Variants in NIPSNAP1 observed in about 807,000 individuals in gnomAD.
NIPSNAP1 encodes nipsnap homolog 1.
In NIPSNAP1, 25 loss-of-function variants were observed where a neutral mutation model predicts 49.2. That is an observed-to-expected ratio of 0.51 (90% CI 0.37 to 0.71). The LOEUF is 0.71. NIPSNAP1 is among the 30% of genes least tolerant of loss of function. The probability of loss-of-function intolerance (pLI) is 0.00; values close to 1 mark genes in which losing one functional copy is unlikely to be tolerated. For synonymous variants in NIPSNAP1, 143 were observed against 140.7 expected, an observed-to-expected ratio of 1.02 and a Z score of -0.12; for missense variants, 294 against 361.0, an observed-to-expected ratio of 0.81 and a Z score of 1.50.
chr22:29,570,161 C>T lies in NIPSNAP1; in HGVS notation c.272+1G>A. On this transcript the variant is annotated splice_donor_variant, in intron 3 of 9. Transcript: ENST00000216121. LOFTEE classifies it high-confidence loss of function. ...GGGATGTATGGATGCAGGGTGCTCA[C>T]GTGAGGCTGTTGTAGGCATCCAGGT... is the stretch of plus-strand genomic sequence containing the variant. 2 of 1,613,792 alleles carry T rather than the reference C, an allele frequency of 1.2e-6. No individual in the cohort carries two copies. Among genetic ancestry groups the T allele is most frequent in the Non-Finnish European group, 1.7e-6 (2 of 1,179,902 alleles).
intron 4 of NIPSNAP1, chr22:29,564,241 T>G (rs551838663): frequency 1.1e-5 from 5 of 445,232 alleles, no homozygotes; most frequent in African/African-American, 1.0e-4. Context: ...CCTTCACCTG[T>G]TTTTTGACTC....
intron 4 of NIPSNAP1, among the ~76,000 whole-genome samples, chr22:29,566,920 A>G (rs1362982175): frequency 1.3e-5 from 2 of 152,174 alleles, no homozygotes; most frequent in African/African-American, 4.8e-5. Context: ...TCAGGAGTTC[A>G]AGACCAGCCT....
At chr22:29,566,403 C>T (rs760402991) in intron 4 of NIPSNAP1, among the ~76,000 whole-genome samples, 12 of 152,038 alleles carry the variant, frequency 7.9e-5, no homozygotes, top group Non-Finnish European at 1.5e-4. Context: ...ATCACGGCCT[C>T]GAACTCCTGG....
rs1007973005 is a variant in NIPSNAP1, at chr22:29,581,046, G to T, written c.37C>A (p.Arg13=). Residue 13 remains arginine (R), a synonymous_variant, in exon 1 of 10, where the codon CGG becomes AGG. Coordinates refer to ENST00000216121, the MANE Select transcript of NIPSNAP1 (RefSeq NM_003634.4). Reference sequence around the variant, plus strand: ...GGCCCCGGGCCCCCCAGCAGCCGCCGCGCCGTCACAGAGATGCTGCACAGC... The same window carrying T: ...GGCCCCGGGCCCCCCAGCAGCCGCCTCGCCGTCACAGAGATGCTGCACAGC... The part of the protein sequence containing the change: ...PRLCSISVTA[R]RLLGGPGPRA... The T allele has an allele frequency of 1.3e-6, 2 of 1,539,594 alleles. No individual in the cohort carries two copies. The highest frequency in any genetic ancestry group is 2.0e-5 in the Admixed American group (1 of 50,872).
Position 29,555,831 on chromosome 22 carries a change from T to G in NIPSNAP1, c.*104A>C. On this transcript the variant is annotated 3_prime_UTR_variant, in exon 10 of 10. Transcript: ENST00000216121. Reference sequence around the variant, plus strand: ...CTGAACTGAGCACTGCCCCTCAGAGTCCTCCCAGAGCCAAGACAAAACCAA... The same window carrying G: ...CTGAACTGAGCACTGCCCCTCAGAGGCCTCCCAGAGCCAAGACAAAACCAA... 9.7e-7 allele frequency: 1 copy of G among 1,026,438 alleles called. No individual in the cohort carries two copies. Among genetic ancestry groups the G allele is most frequent in the Non-Finnish European group, 1.5e-6 (1 of 668,652 alleles). 63.6% of individuals were successfully genotyped at this position (1,026,438 alleles called of 1,614,324 possible).
At chr22:29,568,795 G>GA (rs1287879592) in intron 4 of NIPSNAP1, among the ~76,000 whole-genome samples, 4 of 150,608 alleles carry the variant, frequency 2.7e-5, no homozygotes, top group East Asian at 1.9e-4. Context: ...CTCAGTCTCG[G>GA]AAAAAAAAAG....
chr22:29,580,112 A>C, intron 1 of NIPSNAP1: 1 of 1,304,132 alleles, frequency 7.7e-7, no homozygotes, highest in African/African-American at 1.5e-5. Context: ...TTTGGTAAAT[A>C]TTCCTTGACC....
intron 1 of NIPSNAP1, among the ~76,000 whole-genome samples, chr22:29,579,483 A>C (rs927024371): frequency 2.6e-5 from 4 of 151,530 alleles, no homozygotes; most frequent in African/African-American, 4.9e-5. Flanking sequence ...TTTTTAGTAG[A>C]GATGGGGTTT....
chr22:29,580,310 C>G (rs779917847), intron 1 of NIPSNAP1: 4 of 975,942 alleles, frequency 4.1e-6, no homozygotes, highest in Non-Finnish European at 4.9e-6. Context: ...TCAGGGAGGC[C>G]AAGCCCTAGC....
chr22:29,570,057 TG>T (rs2064396560), intron 3 of NIPSNAP1, 104 bp downstream of exon 3: 10 of 898,812 alleles, frequency 1.1e-5, no homozygotes, highest in Non-Finnish European at 1.9e-5. Flanking sequence ...CTACATCTCC[TG>T]GATTTCTACA....
At chr22:29,575,712 T>C (rs74935985) in intron 1 of NIPSNAP1, among the ~76,000 whole-genome samples, 1 of 41,040 alleles carries the variant, frequency 2.4e-5, no homozygotes. Context: ...CAGGAGTTGT[T>C]TTTTTTTTTT....
At chr22:29,556,791 C>T (rs542191634) in intron 9 of NIPSNAP1, among the ~76,000 whole-genome samples, 1 of 152,228 alleles carries the variant, frequency 6.6e-6, no homozygotes, top group African/African-American at 2.4e-5. Flanking sequence ...CTCTTGTTGC[C>T]CAGGCTGGAG....
intron 1 of NIPSNAP1, among the ~76,000 whole-genome samples, chr22:29,572,367 A>G (rs1158448898): frequency 6.6e-6 from 1 of 151,928 alleles, no homozygotes; most frequent in Middle Eastern, 3.2e-3. Flanking sequence ...TTTTTCCAAA[A>G]TATGGAGCAG....
rs978236044 is a variant in NIPSNAP1, at chr22:29,560,971, G to A, written c.612-143C>T. On this transcript the variant is annotated intron_variant, in intron 7 of 9. Coordinates refer to ENST00000216121, the MANE Select transcript of NIPSNAP1 (RefSeq NM_003634.4). ...TGCTGAGAGAAAGGACTGATGGCGGGGTGTTCTACCAACGGAGGGGTCACA... is the reference window on the plus strand; with the variant it reads ...TGCTGAGAGAAAGGACTGATGGCGGAGTGTTCTACCAACGGAGGGGTCACA... 115 of 906,534 alleles carry A rather than the reference G, an allele frequency of 1.3e-4. No individual in the cohort carries two copies. In the East Asian group the frequency reaches 2.0e-3, roughly 16 times the overall value. The allele number at this position is 906,534 out of a possible 1,614,324, so 56.2% of individuals were successfully genotyped here.
intron 8 of NIPSNAP1, among the ~76,000 whole-genome samples, chr22:29,560,394 T>C (rs1357914464): frequency 6.6e-6 from 1 of 152,116 alleles, no homozygotes; most frequent in Non-Finnish European, 1.5e-5. Context: ...ACTACAGGCA[T>C]GCGCCACCAC....
chr22:29,562,490 G>T (rs2064342467), intron 4 of NIPSNAP1, among the ~76,000 whole-genome samples: 1 of 152,128 alleles, frequency 6.6e-6, no homozygotes, highest in African/African-American at 2.4e-5. Flanking sequence ...GAGGTGGGTG[G>T]AGACCAGCCT....
intron 9 of NIPSNAP1, among the ~76,000 whole-genome samples, chr22:29,556,524 CAAAAA>C (rs961683058): frequency 2.0e-5 from 3 of 149,430 alleles, no homozygotes; most frequent in East Asian, 3.9e-4. Flanking sequence ...AACTCCGTCT[CAAAAA>C]AAAAGAAAAG....
intron 9 of NIPSNAP1, 124 bp downstream of exon 9, chr22:29,558,746 C>T: frequency 1.1e-5 from 9 of 788,890 alleles, no homozygotes; most frequent in South Asian, 1.1e-4. Context: ...AACCCATTAA[C>T]TCATTGTCTT....
At chr22:29,560,241 C>CT (rs35947318) in intron 8 of NIPSNAP1, among the ~76,000 whole-genome samples, 73,487 of 145,128 alleles carry the variant, frequency 0.51, 18,464 homozygotes, top group South Asian at 0.66. Context: ...CTCTCCCTGC[C>CT]TTTTTTTTTT....
Sources: gnomAD v4.1 joint callset for allele counts (sites outside exome capture counted in the v4.1 genomes callset) on GRCh38, gnomAD v4.1.1 for gene constraint, MANE v1.5 for transcripts, NCBI Gene and HGNC (gene_info 2026-07-23, HGNC 2026-07-21) for gene names.